DLGAP2: variants seen among roughly 807,000 people sequenced by gnomAD.
The protein encoded by DLGAP2 is disks large-associated protein 2.
Under a neutral mutation model 100.3 loss-of-function variants are expected in DLGAP2, and 26 were observed. The ratio of observed to expected loss-of-function variants is 0.26; its 90% CI spans 0.19 to 0.36. DLGAP2 has a LOEUF of 0.36. Among genes scored for constraint, DLGAP2 ranks in the 10% least tolerant of loss-of-function variants. The pLI, the probability that DLGAP2 is intolerant of heterozygous loss-of-function variation, is 1.00. For synonymous variants in DLGAP2, 886 were observed against 630.1 expected (o/e 1.41, Z -6.08); for missense variants, 1,858 against 1,453.2 (o/e 1.28, Z -4.53).
chr8:1,132,945 C>T lies in DLGAP2; in HGVS notation c.74-125906C>T, dbSNP rs183849874. On this transcript the variant is annotated intron_variant, in intron 2 of 14. Transcript: ENST00000637795. ...AATGTTAACTCGCTAGAAAGACTTA[C>T]TTTCTCCAAGGCCCTCAGGGAGAAA... 1.5e-3 allele frequency among the ~76,000 whole-genome samples: 224 copies of T among 152,302 alleles called. 1 individual carries two copies. Among genetic ancestry groups the T allele is most frequent in the African/African-American group, 4.5e-3 (185 of 41,568 alleles).
intron 3 of DLGAP2, among the ~76,000 whole-genome samples, chr8:1,287,652 GT>G (rs1799968767): frequency 7.3e-6 from 1 of 136,082 alleles, no homozygotes. Context: ...GTGTGTGTGT[GT>G]GTGTGTATGG....
intron 6 of DLGAP2, among the ~76,000 whole-genome samples, chr8:1,595,477 C>A (rs888129271): frequency 6.6e-6 from 1 of 150,976 alleles, no homozygotes; most frequent in Admixed American, 6.6e-5. Context: ...TCCTGGCTAA[C>A]AAGGTGAAAC....
chr8:756,208 G>C (rs1002416541), intron 1 of DLGAP2, among the ~76,000 whole-genome samples: 10 of 152,160 alleles, frequency 6.6e-5, no homozygotes, highest in East Asian at 5.8e-4. Flanking sequence ...TGGCGTCTGG[G>C]GGGGATACTG....
At chr8:926,476 G>A (rs1051984032) in intron 2 of DLGAP2, among the ~76,000 whole-genome samples, 1 of 152,158 alleles carries the variant, frequency 6.6e-6, no homozygotes, top group Admixed American at 6.5e-5. Context: ...CTGTCTCTGT[G>A]TCTCACCGCA....
chr8:806,650 C>T (rs59600955), intron 1 of DLGAP2, among the ~76,000 whole-genome samples: 19,346 of 152,174 alleles, frequency 0.13, 1,411 homozygotes, highest in East Asian at 0.24. Context: ...CCTTCGGGGC[C>T]AGCGCTCCAT....
At chr8:789,465 C>T (rs900764014) in intron 1 of DLGAP2, among the ~76,000 whole-genome samples, 1 of 152,138 alleles carries the variant, frequency 6.6e-6, no homozygotes, top group Non-Finnish European at 1.5e-5. Flanking sequence ...ATCCAGTTAC[C>T]CCCCACCAGG....
chr8:1,548,241 C>G (rs1484449722), intron 4 of DLGAP2, among the ~76,000 whole-genome samples: 1 of 152,074 alleles, frequency 6.6e-6, no homozygotes, highest in Admixed American at 6.6e-5. Flanking sequence ...CAGTGGATCA[C>G]CTGAGGTCAG....
chr8:1,070,083 A>G (rs1181962061), intron 2 of DLGAP2, among the ~76,000 whole-genome samples: 1 of 152,208 alleles, frequency 6.6e-6, no homozygotes, highest in African/African-American at 2.4e-5. Context: ...CCAAATCACT[A>G]CGCTACTTCC....
chr8:1,481,159 G>T (rs531568245), intron 3 of DLGAP2, among the ~76,000 whole-genome samples: 1 of 151,760 alleles, frequency 6.6e-6, no homozygotes, highest in Non-Finnish European at 1.5e-5. Context: ...GTGACAGAGC[G>T]AGACCCCATC....
intron 3 of DLGAP2, among the ~76,000 whole-genome samples, chr8:1,478,584 C>T (rs139824359): frequency 6.6e-6 from 1 of 152,214 alleles, no homozygotes; most frequent in African/African-American, 2.4e-5. Context: ...TAGATCTGGT[C>T]CGGGACGCGG....
chr8:1,176,412 G>A (rs745754798), intron 2 of DLGAP2, among the ~76,000 whole-genome samples: 6 of 118,808 alleles, frequency 5.1e-5, no homozygotes, highest in Non-Finnish European at 1.1e-4. Context: ...TGTGAGCTCC[G>A]TTAGATCTAC....
chr8:1,005,637 C>A (rs1345958819), intron 2 of DLGAP2, among the ~76,000 whole-genome samples: 4 of 149,560 alleles, frequency 2.7e-5, no homozygotes, highest in Admixed American at 2.7e-4. Context: ...CTAGGCTGGT[C>A]TCAAATTCCT....
intron 8 of DLGAP2, among the ~76,000 whole-genome samples, chr8:1,666,941 G>A (rs1798558713): frequency 6.6e-6 from 1 of 152,134 alleles, no homozygotes; most frequent in Non-Finnish European, 1.5e-5. Flanking sequence ...CACCGTGTCT[G>A]GACATCCTTG....
At chr8:1,506,001 CTG>C (rs1441366710) in intron 4 of DLGAP2, among the ~76,000 whole-genome samples, 1 of 152,144 alleles carries the variant, frequency 6.6e-6, no homozygotes, top group Non-Finnish European at 1.5e-5. Flanking sequence ...CAGCACAACA[CTG>C]AGAAAATGTA....
intron 2 of DLGAP2, among the ~76,000 whole-genome samples, chr8:1,187,266 C>T (rs1187531183): frequency 1.3e-5 from 2 of 151,812 alleles, no homozygotes; most frequent in African/African-American, 4.8e-5. Context: ...ACACACGGGA[C>T]CTCTGTGACG....
intron 3 of DLGAP2, among the ~76,000 whole-genome samples, chr8:1,460,107 T>C (rs1042821323): frequency 3.3e-5 from 5 of 152,242 alleles, no homozygotes; most frequent in African/African-American, 9.6e-5. Flanking sequence ...GACGCTGGCA[T>C]GTGGCCGGAC....
intron 1 of DLGAP2, among the ~76,000 whole-genome samples, chr8:904,701 G>C (rs1447688964): frequency 1.3e-5 from 2 of 152,174 alleles, no homozygotes; most frequent in Non-Finnish European, 2.9e-5. Context: ...GCAGCTGGCT[G>C]GGTGTGGACA....
chr8:1,073,189 C>T (rs1489006186), intron 2 of DLGAP2, among the ~76,000 whole-genome samples: 1 of 152,186 alleles, frequency 6.6e-6, no homozygotes, highest in Non-Finnish European at 1.5e-5. Context: ...ATAGAAATGA[C>T]ACCAGCAAAA....
chr8:1,669,245 C>T (rs1798626024), intron 9 of DLGAP2, among the ~76,000 whole-genome samples: 1 of 152,188 alleles, frequency 6.6e-6, no homozygotes, highest in Non-Finnish European at 1.5e-5. Flanking sequence ...AGACCACAGA[C>T]GGTTGACCCG....
Sources: allele counts gnomAD v4.1 joint callset (sites outside exome capture counted in the v4.1 genomes callset), GRCh38; gene constraint gnomAD v4.1.1; transcripts MANE v1.5; gene names NCBI Gene and HGNC (gene_info 2026-07-23, HGNC 2026-07-21).